SEC31B: variants seen among roughly 807,000 people sequenced by gnomAD.
SEC31B encodes the protein SEC31 homolog B, COPII component, also known as protein transport protein Sec31B.
A neutral mutation model predicts 135.0 loss-of-function variants in SEC31B; 113 were observed. The observed-to-expected ratio is 0.84, with a 90% CI of 0.72 to 0.98. The LOEUF (loss-of-function observed/expected upper bound fraction) is 0.98. SEC31B is among the 50% of genes least tolerant of loss of function. The pLI is 0.00. For synonymous variants in SEC31B, 508 were observed against 549.4 expected, an observed-to-expected ratio of 0.92 and a Z score of 1.05; for missense variants, 1,296 against 1,421.1, an observed-to-expected ratio of 0.91 and a Z score of 1.42.
At chr10:100,512,745 A>G (rs1315894204) in intron 3 of SEC31B, among the ~76,000 whole-genome samples, 2 of 152,212 alleles carry the variant, frequency 1.3e-5, no homozygotes, top group Non-Finnish European at 2.9e-5. Flanking sequence ...GAAGAGGTTT[A>G]AAAATGGAAA....
chr10:100,494,426 T>C (rs1589731802), intron 19 of SEC31B, among the ~76,000 whole-genome samples: 1 of 152,326 alleles, frequency 6.6e-6, no homozygotes, highest in African/African-American at 2.4e-5. Context: ...AACTGTTCAA[T>C]AGCTCCTCCC....
chr10:100,500,880 C>A (rs1195298812), intron 11 of SEC31B, among the ~76,000 whole-genome samples: 1 of 152,096 alleles, frequency 6.6e-6, no homozygotes. Flanking sequence ...AACCAGGAAC[C>A]ATCATGATGG....
chr10:100,515,818 G>A (rs547831161), intron 3 of SEC31B, among the ~76,000 whole-genome samples: 8 of 152,080 alleles, frequency 5.3e-5, no homozygotes, highest in Non-Finnish European at 8.8e-5. Flanking sequence ...ATATCTCTGG[G>A]TTCAAAGACA....
At chr10:100,514,416 A>G (rs1851788938) in intron 3 of SEC31B, among the ~76,000 whole-genome samples, 1 of 152,216 alleles carries the variant, frequency 6.6e-6, no homozygotes, top group South Asian at 2.1e-4. Context: ...TCTAGCATAT[A>G]AACATCTTGA....
At chr10:100,518,692 T>C (rs1253896576) in intron 1 of SEC31B, among the ~76,000 whole-genome samples, 1 of 152,228 alleles carries the variant, frequency 6.6e-6, no homozygotes, top group Admixed American at 6.5e-5. Flanking sequence ...AAAATTACAC[T>C]GAACTTGAGG....
chr10:100,499,348 G>GTACT (rs1851473197), intron 12 of SEC31B, 90 bp from the exon 13 acceptor site: 3 of 1,159,616 alleles, frequency 2.6e-6, no homozygotes, highest in Admixed American at 2.0e-5. Flanking sequence ...CCCACCAACT[G>GTACT]TACTCTCTAA....
chr10:100,506,054 T>G lies in SEC31B; in HGVS notation c.1030A>C (p.Arg344=). 1 of 1,613,882 alleles carries G rather than the reference T, an allele frequency of 6.2e-7. No individual in the cohort carries two copies. The highest frequency in any genetic ancestry group is 2.2e-5 in the East Asian group (1 of 44,878). The part of the protein sequence containing the change: ...MGRSWEVQHM[R]QADKISSSFS... The stretch of plus-strand genomic sequence containing the variant: ...GCCCTTCAAACCTTGTCAGCCTGTC[T>G]CATATGCTGGACTTCCCAGCTCCTA... Residue 344 remains arginine (R), a synonymous_variant, in exon 9 of 26, where the codon AGA becomes CGA. Coordinates refer to ENST00000370345, the MANE Select transcript of SEC31B (RefSeq NM_015490.4).
Position 100,502,241 on chromosome 10 carries a change from T to C in SEC31B, c.1410+13A>G, listed in dbSNP as rs1302735413. 2 of 1,608,570 alleles carry C rather than the reference T, an allele frequency of 1.2e-6. No homozygotes were observed. The highest frequency in any genetic ancestry group is 1.7e-6 in the Non-Finnish European group (2 of 1,175,962). ...GGAGACACTTCTGAGCAGCTAGCCT[T>C]CAGGCTTCCCACCTTCAGGAACTGC... On this transcript the variant is annotated intron_variant, in intron 11 of 25. Coordinates refer to ENST00000370345, the MANE Select transcript of SEC31B (RefSeq NM_015490.4).
chr10:100,495,140 T>C (rs1851381079), intron 19 of SEC31B: 2 of 459,490 alleles, frequency 4.4e-6, no homozygotes, highest in Admixed American at 6.9e-5. Context: ...GTAGCTATTT[T>C]TTACATATCT....
intron 7 of SEC31B, among the ~76,000 whole-genome samples, chr10:100,507,045 G>A (rs553486338): frequency 3.3e-5 from 5 of 152,330 alleles, no homozygotes; most frequent in Admixed American, 6.5e-5. Context: ...GCTGGATAGA[G>A]GCCTCCACAG....
At position 100,508,153 on chromosome 10, in the gene SEC31B, T is replaced by C. The variant is rs980101680; in HGVS notation, c.496-102A>G. 18 of 1,410,504 alleles carry C rather than the reference T, an allele frequency of 1.3e-5. No individual in the cohort carries two copies. The African/African-American group carries it at 1.6e-4, about 12-fold the overall frequency. The allele number at this position is 1,410,504 out of a possible 1,614,324, so 87.4% of individuals were successfully genotyped here. On this transcript the variant is annotated intron_variant, in intron 5 of 25. Coordinates refer to ENST00000370345, the MANE Select transcript of SEC31B (RefSeq NM_015490.4). ...CAGCCACCCACAGCAAGTCCAAGAA[T>C]AGACATGGGGCTACCCAAACTAAGA... is the stretch of plus-strand genomic sequence containing the variant.
At chr10:100,492,148 A>G (rs983526800) in intron 19 of SEC31B, among the ~76,000 whole-genome samples, 1 of 152,238 alleles carries the variant, frequency 6.6e-6, no homozygotes, top group Non-Finnish European at 1.5e-5. Flanking sequence ...ACCTAAAGCT[A>G]ACATCATGCT....
rs1016493728 is a variant in SEC31B, at chr10:100,488,022, C to T, written c.3360+5G>A. 5.6e-6 allele frequency: 9 copies of T among 1,613,654 alleles called. No homozygotes were observed. The highest frequency in any genetic ancestry group is 1.7e-6 in the Non-Finnish European group (2 of 1,179,678). ...GGCAGTGGGAGCACAGCTAGCTGTACTTACTGTCCCCTCACAGAGCTTCTC... is the reference window on the plus strand; with the variant it reads ...GGCAGTGGGAGCACAGCTAGCTGTATTTACTGTCCCCTCACAGAGCTTCTC... On this transcript the variant is annotated splice_donor_5th_base_variant and intron_variant, in intron 25 of 25. Coordinates refer to ENST00000370345, the MANE Select transcript of SEC31B (RefSeq NM_015490.4).
intron 19 of SEC31B, among the ~76,000 whole-genome samples, chr10:100,494,134 G>A (rs1001916387): frequency 1.6e-4 from 24 of 151,890 alleles, no homozygotes; most frequent in African/African-American, 4.8e-4. Flanking sequence ...TCTGTTCTCC[G>A]GCAGCTCTAG....
chr10:100,497,851 G>A (rs1851442213), intron 15 of SEC31B, 58 bp from the exon 16 acceptor site: 2 of 1,613,392 alleles, frequency 1.2e-6, no homozygotes, highest in African/African-American at 1.3e-5. Context: ...TAGGCAGCAG[G>A]ATTCCTGCAC....
intron 3 of SEC31B, among the ~76,000 whole-genome samples, chr10:100,514,866 A>G (rs1255695859): frequency 6.6e-6 from 1 of 151,866 alleles, no homozygotes; most frequent in Non-Finnish European, 1.5e-5. Flanking sequence ...CTGTAGTCCC[A>G]GCTACTCGGG....
At chr10:100,518,237 T>A (rs35938488) in intron 1 of SEC31B, among the ~76,000 whole-genome samples, 1 of 152,252 alleles carries the variant, frequency 6.6e-6, no homozygotes, top group Non-Finnish European at 1.5e-5. Flanking sequence ...TCATTCATTG[T>A]GCTTCAGCCA....
rs1410396133 is a variant in SEC31B at position 100,516,936 on chromosome 10, A to G, written c.17T>C (p.Leu6Pro). MKLKE[L>P]ERPAVQAWSP... Reference sequence around the variant, plus strand: ...CCATGCCTGGACAGCTGGCCGCTCAAGTTCCTTCAGCTTCATGGTCTATCC... The same window carrying G: ...CCATGCCTGGACAGCTGGCCGCTCAGGTTCCTTCAGCTTCATGGTCTATCC... Residue 6 changes from leucine (L) to proline (P), a missense_variant, in exon 2 of 26, where the codon CTT (leucine) becomes CCT (proline). Leu to Pro is a moderately conservative substitution (Grantham distance 98, BLOSUM62 -3). Transcript: ENST00000370345. 2 of 1,614,144 alleles carry G rather than the reference A, an allele frequency of 1.2e-6. No homozygotes were observed. The highest frequency in any genetic ancestry group is 1.1e-5 in the South Asian group (1 of 91,074).
Position 100,506,099 on chromosome 10 carries a change from T to G in SEC31B, c.985A>C (p.Ser329Arg). The G allele has an allele frequency of 6.2e-7, 1 of 1,614,196 alleles. No homozygotes were observed. The highest frequency in any genetic ancestry group is 8.5e-7 in the Non-Finnish European group (1 of 1,180,042). Residue 329 changes from serine (S) to arginine (R), a missense_variant, in exon 9 of 26, where the codon AGT becomes CGT. By Grantham distance (110) the Ser-to-Arg change is moderately radical. Coordinates refer to ENST00000370345, the MANE Select transcript of SEC31B (RefSeq NM_015490.4). ...CTCCTACCCATCACAGAGTACAAACTGATCCAGCCGTTGAAGGAGGCAGCA... is the reference window on the plus strand; with the variant it reads ...CTCCTACCCATCACAGAGTACAAACGGATCCAGCCGTTGAAGGAGGCAGCA... The part of the protein sequence containing the change: ...FSAASFNGWI[S>R]LYSVMGRSWE...
Sources: allele counts gnomAD v4.1 joint callset (sites outside exome capture counted in the v4.1 genomes callset), GRCh38; gene constraint gnomAD v4.1.1; transcripts MANE v1.5; gene names NCBI Gene and HGNC (gene_info 2026-07-23, HGNC 2026-07-21).